Variants in ASTN2 observed in about 807,000 individuals in gnomAD.
ASTN2 encodes the protein astrotactin 2.
A neutral mutation model predicts 139.8 loss-of-function variants in ASTN2; 54 were observed. The observed-to-expected ratio is 0.39, with a 90% CI of 0.31 to 0.48. ASTN2 has a LOEUF of 0.48. ASTN2 is among the 20% of genes least tolerant of loss of function. The pLI is 0.95. For synonymous variants in ASTN2, 756 were observed against 719.5 expected, an observed-to-expected ratio of 1.05 and a Z score of -0.81; for missense variants, 1,565 against 1,725.1, an observed-to-expected ratio of 0.91 and a Z score of 1.64.
At chr9:117,078,890 C>T (rs1207706567) in intron 5 of ASTN2, among the ~76,000 whole-genome samples, 1 of 151,956 alleles carries the variant, frequency 6.6e-6, no homozygotes, top group African/African-American at 2.4e-5. Context: ...TATGGGCCAC[C>T]ATGCCCTGCT....
At chr9:116,745,530 A>T (rs930326101) in intron 13 of ASTN2, among the ~76,000 whole-genome samples, 4 of 152,134 alleles carry the variant, frequency 2.6e-5, no homozygotes, top group South Asian at 2.1e-4. Flanking sequence ...TCTGCTAGGT[A>T]TGATTGTTCT....
chr9:117,287,363 A>G (rs376086976), intron 2 of ASTN2, among the ~76,000 whole-genome samples: 5 of 152,204 alleles, frequency 3.3e-5, no homozygotes, highest in African/African-American at 1.2e-4. Context: ...CATAGGGTAC[A>G]GTCTTCGTAA....
intron 20 of ASTN2, among the ~76,000 whole-genome samples, chr9:116,474,750 T>C (rs750372314): frequency 6.6e-6 from 1 of 152,156 alleles, no homozygotes; most frequent in Non-Finnish European, 1.5e-5. Flanking sequence ...GAGCCCCTCA[T>C]TGCAATGAAA....
At chr9:117,269,846 C>T (rs939601621) in intron 2 of ASTN2, among the ~76,000 whole-genome samples, 3 of 152,102 alleles carry the variant, frequency 2.0e-5, no homozygotes, top group Non-Finnish European at 4.4e-5. Flanking sequence ...TGATTTTTTT[C>T]CTCTTTATCT....
intron 4 of ASTN2, among the ~76,000 whole-genome samples, chr9:117,129,751 T>C (rs1244852416): frequency 2.0e-5 from 3 of 152,154 alleles, no homozygotes; most frequent in Non-Finnish European, 4.4e-5. Context: ...TATATGTAAG[T>C]ACAAATTTCA....
chr9:116,596,327 T>C (rs1854575276), intron 19 of ASTN2, among the ~76,000 whole-genome samples: 1 of 152,236 alleles, frequency 6.6e-6, no homozygotes, highest in South Asian at 2.1e-4. Flanking sequence ...GTTTCTGTTA[T>C]GCAAAACGAA....
At position 117,272,798 on chromosome 9, in the gene ASTN2, C is replaced by T. The variant is rs774259488; in HGVS notation, c.630+18528G>A. ...TCCTCATCACCATCTGAGACCACCT[C>T]GGCCTGGACCTTATTGTTCATATCA... On this transcript the variant is annotated intron_variant, in intron 2 of 22. Transcript: ENST00000313400. 1.1e-4 allele frequency among the ~76,000 whole-genome samples: 16 copies of T among 152,200 alleles called. 1 individual carries two copies. The highest frequency in any genetic ancestry group is 4.4e-5 in the Non-Finnish European group (3 of 68,034).
At chr9:116,472,682 T>C (rs927998647) in intron 20 of ASTN2, among the ~76,000 whole-genome samples, 2 of 151,400 alleles carry the variant, frequency 1.3e-5, no homozygotes, top group Admixed American at 6.6e-5. Flanking sequence ...GGCAGGCAGA[T>C]CATTTGAGGT....
chr9:116,766,875 A>G (rs1300134228), intron 13 of ASTN2, among the ~76,000 whole-genome samples: 1 of 151,972 alleles, frequency 6.6e-6, no homozygotes, highest in Non-Finnish European at 1.5e-5. Context: ...ACATAAACAC[A>G]CACATTCACA....
intron 19 of ASTN2, among the ~76,000 whole-genome samples, chr9:116,580,886 G>C (rs1171307709): frequency 6.6e-6 from 1 of 152,136 alleles, no homozygotes; most frequent in Non-Finnish European, 1.5e-5. Flanking sequence ...GAGCTATGTA[G>C]AAAACAAGTC....
chr9:117,094,670 G>A (rs961638162), intron 5 of ASTN2, among the ~76,000 whole-genome samples: 4 of 152,156 alleles, frequency 2.6e-5, no homozygotes, highest in African/African-American at 9.7e-5. Flanking sequence ...CCCATGTAAT[G>A]TGTCAATGGA....
At chr9:116,720,356 C>G (rs1828437788) in intron 16 of ASTN2, among the ~76,000 whole-genome samples, 1 of 152,220 alleles carries the variant, frequency 6.6e-6, no homozygotes, top group Admixed American at 6.5e-5. Context: ...CTCTCCCAAT[C>G]TAAACTCAGG....
chr9:116,650,123 T>C (rs529703391), intron 17 of ASTN2, among the ~76,000 whole-genome samples: 10 of 152,266 alleles, frequency 6.6e-5, no homozygotes, highest in East Asian at 5.8e-4. Flanking sequence ...CTACTAGACT[T>C]AGTCAGTGGT....
At chr9:116,928,259 C>A (rs1327960595) in intron 10 of ASTN2, among the ~76,000 whole-genome samples, 2 of 152,334 alleles carry the variant, frequency 1.3e-5, no homozygotes, top group South Asian at 2.1e-4. Flanking sequence ...AGAGAAGGGA[C>A]TTTGGAAGCC....
intron 16 of ASTN2, among the ~76,000 whole-genome samples, chr9:116,680,161 A>C (rs1256271387): frequency 6.6e-6 from 1 of 152,210 alleles, no homozygotes; most frequent in Non-Finnish European, 1.5e-5. Flanking sequence ...AGAAGAATCA[A>C]ATAGACGCAA....
intron 2 of ASTN2, among the ~76,000 whole-genome samples, chr9:117,268,367 G>T (rs2133120161): frequency 6.6e-6 from 1 of 152,202 alleles, no homozygotes; most frequent in Non-Finnish European, 1.5e-5. Flanking sequence ...ATCATCTTCT[G>T]GGAAAAAGAT....
At chr9:117,026,462 G>C (rs1307530118) in intron 6 of ASTN2, among the ~76,000 whole-genome samples, 1 of 152,018 alleles carries the variant, frequency 6.6e-6, no homozygotes, top group East Asian at 1.9e-4. Flanking sequence ...TTGATGTCTG[G>C]GGTCATCAAC....
chr9:116,878,240 A>G (rs1257188536), intron 10 of ASTN2, among the ~76,000 whole-genome samples: 1 of 152,256 alleles, frequency 6.6e-6, no homozygotes, highest in East Asian at 1.9e-4. Flanking sequence ...TCCATTATAA[A>G]GATACATGGC....
Position 116,950,444 on chromosome 9 carries a change from G to T in ASTN2, c.1889+24764C>A, listed in dbSNP as rs370750506. 1.9e-3 allele frequency among the ~76,000 whole-genome samples: 287 copies of T among 152,210 alleles called. 1 individual carries two copies. Among genetic ancestry groups the T allele is most frequent in the African/African-American group, 5.4e-3 (226 of 41,538 alleles). ...CTGCTGAGGGAGGGAGGGAGAGAGA[G>T]ATATATATTAATGGATAACTAGAGG... On this transcript the variant is annotated intron_variant, in intron 10 of 22. Coordinates refer to ENST00000313400, the MANE Select transcript of ASTN2 (RefSeq NM_001365068.1).
Sources: allele counts gnomAD v4.1 joint callset (sites outside exome capture counted in the v4.1 genomes callset), GRCh38; gene constraint gnomAD v4.1.1; transcripts MANE v1.5; gene names NCBI Gene and HGNC (gene_info 2026-07-23, HGNC 2026-07-21).